The following CUX1 variants were observed in gnomAD, a reference collection of about 807,000 sequenced individuals.
CUX1 encodes the protein protein CASP.
CUX1 carries 31 observed loss-of-function variants against 158.8 expected under a neutral mutation model. That is an observed-to-expected ratio of 0.20 (90% confidence interval 0.15 to 0.26). The LOEUF is 0.26. CUX1 is among the 10% of genes least tolerant of loss of function. The pLI is 1.00. For synonymous variants in CUX1, 879 were observed against 862.1 expected, an observed-to-expected ratio of 1.02 and a Z score of -0.34; for missense variants, 1,589 against 2,014.6, an observed-to-expected ratio of 0.79 and a Z score of 4.04.
At position 102,249,178 on chromosome 7, in the gene CUX1, G is replaced by T. The variant is rs1395423385; in HGVS notation, c.*136G>T. On this transcript the variant is annotated 3_prime_UTR_variant, in exon 24 of 24. Coordinates refer to ENST00000292535, the MANE Select transcript of CUX1 (RefSeq NM_181552.4). ...CCGACCCCGGGCCGGACCTGAGCCC[G>T]CAGCCCAGACCCCCTCCACGGTCCG... 5.3e-6 allele frequency: 6 copies of T among 1,135,306 alleles called. No individual in the cohort carries two copies. The highest frequency in any genetic ancestry group is 6.5e-6 in the Non-Finnish European group (6 of 924,302). 70.3% of individuals were successfully genotyped at this position (1,135,306 alleles called of 1,614,324 possible). A position where few individuals can be genotyped will look rare whatever the true frequency, so the allele number is the denominator to read the frequency against.
intron 21 of CUX1, among the ~76,000 whole-genome samples, chr7:102,282,419 A>G (rs1331924174): frequency 6.6e-6 from 1 of 152,098 alleles, no homozygotes; most frequent in Non-Finnish European, 1.5e-5. Flanking sequence ...TGTCCCCCGC[A>G]CAGTCAAGAT....
At chr7:102,092,163 T>TC (rs1193280343) in intron 4 of CUX1, among the ~76,000 whole-genome samples, 17 of 152,350 alleles carry the variant, frequency 1.1e-4, no homozygotes, top group African/African-American at 4.1e-4. Context: ...TTTTATATCT[T>TC]CTTTTTCTCT....
chr7:101,962,165 C>A (rs184118420), intron 2 of CUX1, among the ~76,000 whole-genome samples: 2 of 152,202 alleles, frequency 1.3e-5, no homozygotes, highest in African/African-American at 4.8e-5. Context: ...TCCCTTCCCC[C>A]CAAATACAGG....
chr7:101,880,773 A>G (rs531147502), intron 1 of CUX1, among the ~76,000 whole-genome samples: 72 of 152,334 alleles, frequency 4.7e-4, no homozygotes, highest in African/African-American at 1.6e-3. Flanking sequence ...GGTTTTGGAA[A>G]GACGGTGGGG....
intron 8 of CUX1, among the ~76,000 whole-genome samples, chr7:102,147,971 G>A (rs943095161): frequency 1.3e-5 from 2 of 152,094 alleles, no homozygotes; most frequent in African/African-American, 4.8e-5. Context: ...GCGAGACTCC[G>A]TCTCAAAAAT....
At chr7:102,064,471 G>A (rs982788002) in intron 3 of CUX1, among the ~76,000 whole-genome samples, 2 of 151,870 alleles carry the variant, frequency 1.3e-5, no homozygotes, top group South Asian at 4.1e-4. Context: ...CACCTTAGAC[G>A]TTTGCTCATT....
intron 8 of CUX1, among the ~76,000 whole-genome samples, chr7:102,143,811 C>T (rs759265297): frequency 1.3e-5 from 2 of 151,826 alleles, no homozygotes; most frequent in Admixed American, 1.3e-4. Flanking sequence ...GACGGAGTCT[C>T]AATCTGTCTC....
intron 2 of CUX1, among the ~76,000 whole-genome samples, chr7:101,950,831 G>A (rs946939565): frequency 3.9e-5 from 6 of 152,104 alleles, no homozygotes; most frequent in African/African-American, 7.2e-5. Context: ...GATTACAGGC[G>A]TGAGCCATGT....
intron 20 of CUX1, among the ~76,000 whole-genome samples, chr7:102,217,364 C>T (rs1443109826): frequency 2.0e-5 from 3 of 152,278 alleles, no homozygotes; most frequent in Non-Finnish European, 4.4e-5. Context: ...TCCGAATCCC[C>T]GGCAGGTCCC....
chr7:102,280,034 C>T (rs1554548770), intron 18 of CUX1: 2 of 1,600,746 alleles, frequency 1.2e-6, no homozygotes, highest in Non-Finnish European at 8.5e-7. Context: ...CCTGTCTGTG[C>T]AGGGCAGCGG....
chr7:102,241,457 G>T (rs529892035), intron 23 of CUX1, among the ~76,000 whole-genome samples: 2 of 152,148 alleles, frequency 1.3e-5, no homozygotes, highest in African/African-American at 4.8e-5. Flanking sequence ...GCCGATGGCA[G>T]TGGGGCCCTC....
intron 21 of CUX1, among the ~76,000 whole-genome samples, chr7:102,282,094 G>A (rs1376584390): frequency 6.6e-6 from 1 of 152,166 alleles, no homozygotes; most frequent in African/African-American, 2.4e-5. Flanking sequence ...GGGACGAGAA[G>A]GACCCACCCC....
chr7:102,237,095 C>T (rs1161835406), intron 22 of CUX1, among the ~76,000 whole-genome samples: 1 of 152,190 alleles, frequency 6.6e-6, no homozygotes, highest in Non-Finnish European at 1.5e-5. Context: ...TTGGACAATC[C>T]AACTCCTTTC....
chr7:102,282,410 G>A (rs1554549580), intron 21 of CUX1, among the ~76,000 whole-genome samples: 1 of 152,136 alleles, frequency 6.6e-6, no homozygotes. Context: ...GGGGACTCCT[G>A]TCCCCCGCAC....
chr7:102,112,887 AT>A (rs1831081386), intron 7 of CUX1, among the ~76,000 whole-genome samples: 2 of 152,274 alleles, frequency 1.3e-5, no homozygotes, highest in South Asian at 4.1e-4. Flanking sequence ...GTATTTTTAA[AT>A]TTTTATTATT....
chr7:102,182,005 A>T (rs1353316444), intron 11 of CUX1, among the ~76,000 whole-genome samples: 2 of 152,204 alleles, frequency 1.3e-5, no homozygotes, highest in Non-Finnish European at 2.9e-5. Flanking sequence ...ACTCACCTTT[A>T]CTTACCACGG....
At chr7:102,192,125 C>T (rs980224091) in intron 12 of CUX1, among the ~76,000 whole-genome samples, 6 of 152,138 alleles carry the variant, frequency 3.9e-5, no homozygotes, top group African/African-American at 9.7e-5. Context: ...AGCTCTTGCC[C>T]GCGTCCCCTT....
chr7:102,218,775 A>T (rs1797494795), intron 20 of CUX1, among the ~76,000 whole-genome samples: 1 of 152,068 alleles, frequency 6.6e-6, no homozygotes, highest in African/African-American at 2.4e-5. Context: ...ATTGTTGGCC[A>T]GGCACGGTGG....
rs1232555906 is a variant in CUX1 at position 102,168,637 on chromosome 7, C to G, written c.724-1809C>G. Among the ~76,000 whole-genome samples the G allele has an allele frequency of 8.5e-5, 9 of 105,672 alleles. No individual in the cohort carries two copies. The East Asian group carries it at 2.2e-3, about 25-fold the overall frequency. The allele number at this position is 105,672 out of a possible 152,430, so 69.3% of individuals were successfully genotyped here. A position where few individuals can be genotyped will look rare whatever the true frequency, so the allele number is the denominator to read the frequency against. On this transcript the variant is annotated intron_variant, in intron 9 of 23. Transcript: ENST00000292535. ...CCAGCCTAGGCGACAGAGCGAGGCT[C>G]TGTCTCAAAAAAAAAAAAAAAAAAA...
Sources: gnomAD v4.1 joint callset for allele counts (sites outside exome capture counted in the v4.1 genomes callset) on GRCh38, gnomAD v4.1.1 for gene constraint, MANE v1.5 for transcripts, NCBI Gene and HGNC (gene_info 2026-07-23, HGNC 2026-07-21) for gene names.